COL21A1: variants seen among roughly 807,000 people sequenced by gnomAD.
COL21A1 encodes the protein collagen alpha-1(XXI) chain.
Under a neutral mutation model 137.9 loss-of-function variants are expected in COL21A1, and 149 were observed. The observed-to-expected ratio is 1.08, with a 90% CI of 0.95 to 1.24. COL21A1 has a LOEUF of 1.24. COL21A1 is among the 50% of genes most tolerant of loss of function. The pLI is 0.00. For missense variants in COL21A1, 1,167 were observed against 1,158.4 expected (o/e 1.01, Z -0.11); for synonymous variants, 456 against 391.5 (o/e 1.16, Z -1.95).
intron 23 of COL21A1, 38 bp downstream of exon 23, chr6:56,067,257 T>G (rs755317478): frequency 6.5e-7 from 1 of 1,548,080 alleles, no homozygotes; most frequent in Non-Finnish European, 8.9e-7. Flanking sequence ...AGCTCTGATT[T>G]TATTGCTCAG....
chr6:56,197,996 T>C (rs9475614), intron 1 of COL21A1, among the ~76,000 whole-genome samples: 2,039 of 152,116 alleles, frequency 0.013, 46 homozygotes, highest in African/African-American at 0.046. Flanking sequence ...CTGGGGTGTG[T>C]GTACACGTAT....
chr6:56,202,111 A>G (rs754176683), intron 1 of COL21A1, among the ~76,000 whole-genome samples: 1 of 152,162 alleles, frequency 6.6e-6, no homozygotes, highest in Non-Finnish European at 1.5e-5. Context: ...AGATTAAACT[A>G]TCTTTCAATC....
intron 1 of COL21A1, among the ~76,000 whole-genome samples, chr6:56,318,643 C>G (rs761639408): frequency 6.6e-6 from 1 of 152,060 alleles, no homozygotes; most frequent in East Asian, 1.9e-4. Flanking sequence ...TGAGTGGTTC[C>G]TTTATGTAAC....
chr6:56,115,235 G>T (rs916898850), intron 16 of COL21A1, among the ~76,000 whole-genome samples: 4 of 150,772 alleles, frequency 2.7e-5, no homozygotes, highest in Non-Finnish European at 5.9e-5. Flanking sequence ...CATGGCACAC[G>T]TATACATATG....
chr6:56,086,599 A>G (rs1198643436), intron 17 of COL21A1, among the ~76,000 whole-genome samples: 3 of 152,120 alleles, frequency 2.0e-5, no homozygotes, highest in African/African-American at 7.2e-5. Context: ...AGGCTGAGGA[A>G]GAAGAAGAGG....
intron 1 of COL21A1, chr6:56,225,920 A>G (rs774766755): frequency 6.6e-6 from 1 of 152,008 alleles, no homozygotes; most frequent in Non-Finnish European, 1.5e-5. Flanking sequence ...CCCTGGAAGC[A>G]TACAGTGTTT....
intron 6 of COL21A1, 54 bp downstream of exon 6, chr6:56,168,070 G>T: frequency 8.4e-7 from 1 of 1,190,940 alleles, no homozygotes; most frequent in Non-Finnish European, 1.1e-6. Context: ...TATTACAAAG[G>T]ACAGCAAAAG....
At chr6:56,255,187 A>T (rs1782936654) in intron 1 of COL21A1, among the ~76,000 whole-genome samples, 1 of 152,174 alleles carries the variant, frequency 6.6e-6, no homozygotes, top group Non-Finnish European at 1.5e-5. Context: ...ATAATCATAC[A>T]TTACAACCTG....
At chr6:56,149,647 T>A (rs1173017722) in intron 10 of COL21A1, among the ~76,000 whole-genome samples, 1 of 152,150 alleles carries the variant, frequency 6.6e-6, no homozygotes, top group African/African-American at 2.4e-5. Context: ...TCTCCTCCAT[T>A]CTCCCATGAA....
At chr6:56,321,940 G>A (rs1764879188) in intron 1 of COL21A1, among the ~76,000 whole-genome samples, 1 of 152,112 alleles carries the variant, frequency 6.6e-6, no homozygotes, top group Non-Finnish European at 1.5e-5. Context: ...TCGTTTTGAA[G>A]CGTCATCTTC....
At chr6:56,178,065 A>C (rs1460565548) in intron 3 of COL21A1, among the ~76,000 whole-genome samples, 2 of 152,200 alleles carry the variant, frequency 1.3e-5, no homozygotes, top group Non-Finnish European at 2.9e-5. Flanking sequence ...AATCATTAAA[A>C]TAGAATGCAT....
chr6:56,177,995 A>T (rs1028872480), intron 3 of COL21A1, among the ~76,000 whole-genome samples: 1 of 152,166 alleles, frequency 6.6e-6, no homozygotes, highest in African/African-American at 2.4e-5. Context: ...TAGATGATAC[A>T]TTTTAACTAA....
chr6:56,386,522 C>T (rs905282075), intron 1 of COL21A1, among the ~76,000 whole-genome samples: 2 of 152,118 alleles, frequency 1.3e-5, no homozygotes, highest in Non-Finnish European at 2.9e-5. Flanking sequence ...CCCACAGCAG[C>T]TTTACCATTT....
intron 1 of COL21A1, among the ~76,000 whole-genome samples, chr6:56,237,007 T>C (rs778538506): frequency 2.0e-5 from 3 of 152,088 alleles, no homozygotes; most frequent in Non-Finnish European, 2.9e-5. Context: ...ACAATGGTTA[T>C]AAAAACTGAA....
At chr6:56,350,622 AG>A (rs2152346804) in intron 1 of COL21A1, among the ~76,000 whole-genome samples, 1 of 152,318 alleles carries the variant, frequency 6.6e-6, no homozygotes, top group Non-Finnish European at 1.5e-5. Flanking sequence ...ACCTTCCATA[AG>A]GGGCCTTGAG....
chr6:56,207,719 GA>G (rs1400002770), intron 1 of COL21A1, among the ~76,000 whole-genome samples: 2 of 152,152 alleles, frequency 1.3e-5, no homozygotes, highest in Non-Finnish European at 2.9e-5. Context: ...AAACCTGGCA[GA>G]GACACAACAA....
chr6:56,360,102 T>C (rs889997354), intron 1 of COL21A1, among the ~76,000 whole-genome samples: 2 of 152,166 alleles, frequency 1.3e-5, no homozygotes, highest in African/African-American at 2.4e-5. Context: ...CTCCTGGAAT[T>C]GGAAGTCCTT....
intron 1 of COL21A1, among the ~76,000 whole-genome samples, chr6:56,339,185 CCT>C (rs1765408376): frequency 1.3e-5 from 2 of 152,234 alleles, no homozygotes; most frequent in East Asian, 1.9e-4. Flanking sequence ...GGCTCCAAAG[CCT>C]TCTTCCTTCA....
chr6:56,278,013 G>A (rs934779748), intron 1 of COL21A1, among the ~76,000 whole-genome samples: 1 of 152,106 alleles, frequency 6.6e-6, no homozygotes, highest in Non-Finnish European at 1.5e-5. Flanking sequence ...ATAAAATAAT[G>A]ATATTGTTCA....
Sources: gnomAD v4.1 joint callset for allele counts (sites outside exome capture counted in the v4.1 genomes callset) on GRCh38, gnomAD v4.1.1 for gene constraint, MANE v1.5 for transcripts, NCBI Gene and HGNC (gene_info 2026-07-23, HGNC 2026-07-21) for gene names.